Variants in PCSK6 observed in about 807,000 individuals in gnomAD.
The protein encoded by PCSK6 is paired basic amino acid cleaving enzyme 4.
PCSK6 carries 85 observed loss-of-function variants against 123.3 expected under a neutral mutation model. The ratio of observed to expected loss-of-function variants is 0.69; its 90% CI spans 0.58 to 0.83. The LOEUF is 0.83. PCSK6 is among the 40% of genes least tolerant of loss of function. The pLI is 0.00. For synonymous variants in PCSK6, 508 were observed against 516.0 expected, an observed-to-expected ratio of 0.98 and a Z score of 0.21; for missense variants, 1,191 against 1,282.3, an observed-to-expected ratio of 0.93 and a Z score of 1.09.
At chr15:101,390,072 A>G (rs941280454) in intron 8 of PCSK6, among the ~76,000 whole-genome samples, 1 of 142,864 alleles carries the variant, frequency 7.0e-6, no homozygotes, top group African/African-American at 2.6e-5. Context: ...TTTAGCCAGT[A>G]GGTCATAAGC....
At chr15:101,316,921 T>C (rs2040005428) in intron 19 of PCSK6, among the ~76,000 whole-genome samples, 2 of 147,558 alleles carry the variant, frequency 1.4e-5, no homozygotes, top group South Asian at 2.1e-4. Flanking sequence ...TTTTTTTTTT[T>C]TTTTTTTTGA....
Position 101,332,045 on chromosome 15 carries a change from A to G in PCSK6, c.1859-14T>C. 6.3e-7 allele frequency: 1 copy of G among 1,580,990 alleles called. No individual in the cohort carries two copies. The highest frequency in any genetic ancestry group is 1.1e-5 in the South Asian group (1 of 87,642). ...CTTTCAACTTCCCTGGAAGGCACCAAACCCACAGAGTTACCTGCCTGTGCC... is the reference window on the plus strand; with the variant it reads ...CTTTCAACTTCCCTGGAAGGCACCAGACCCACAGAGTTACCTGCCTGTGCC... On this transcript the variant is annotated splice_polypyrimidine_tract_variant and intron_variant, in intron 13 of 21. Coordinates refer to ENST00000611716, the MANE Select transcript of PCSK6 (RefSeq NM_002570.5).
intron 11 of PCSK6, among the ~76,000 whole-genome samples, chr15:101,377,078 G>C (rs976324550): frequency 6.6e-6 from 1 of 152,264 alleles, no homozygotes; most frequent in African/African-American, 2.4e-5. Flanking sequence ...CTGTGTGCTT[G>C]AGCACAGTAG....
chr15:101,364,268 C>T (rs548558206), intron 13 of PCSK6, among the ~76,000 whole-genome samples: 2 of 152,062 alleles, frequency 1.3e-5, no homozygotes, highest in African/African-American at 4.8e-5. Context: ...GGAAACTCGC[C>T]CATAGAAAAG....
At position 101,447,588 on chromosome 15, in the gene PCSK6, A is replaced by T. The variant is rs573803357; in HGVS notation, c.298-3928T>A. 2.6e-5 allele frequency among the ~76,000 whole-genome samples: 4 copies of T among 152,232 alleles called. No homozygotes were observed. In the South Asian group the frequency reaches 8.3e-4, roughly 31 times the overall value. On this transcript the variant is annotated intron_variant, in intron 1 of 21. Coordinates refer to ENST00000611716, the MANE Select transcript of PCSK6 (RefSeq NM_002570.5). ...ACTGCCACACTTTTAGGACCTCTTC[A>T]GGGTCAAATGGACAGCGGTGGACTC...
chr15:101,338,741 AT>A (rs2040537671), intron 13 of PCSK6, among the ~76,000 whole-genome samples: 1 of 152,174 alleles, frequency 6.6e-6, no homozygotes, highest in Non-Finnish European at 1.5e-5. Flanking sequence ...GCCCAATCAA[AT>A]TTTTTGCCAT....
intron 6 of PCSK6, among the ~76,000 whole-genome samples, chr15:101,403,864 C>T (rs894784397): frequency 5.9e-5 from 9 of 152,154 alleles, no homozygotes; most frequent in African/African-American, 4.8e-5. Flanking sequence ...GGATTACAGG[C>T]GCCCGCCACC....
At chr15:101,481,969 T>C (rs758895487) in intron 1 of PCSK6, among the ~76,000 whole-genome samples, 4 of 152,000 alleles carry the variant, frequency 2.6e-5, no homozygotes, top group Non-Finnish European at 5.9e-5. Flanking sequence ...CATGCTGGTG[T>C]GCAGCCCTTT....
intron 13 of PCSK6, among the ~76,000 whole-genome samples, chr15:101,353,440 T>C (rs1052971850): frequency 6.6e-6 from 1 of 152,104 alleles, no homozygotes; most frequent in South Asian, 2.1e-4. Flanking sequence ...TAACAGTCCA[T>C]GGACCATGGA....
intron 1 of PCSK6, among the ~76,000 whole-genome samples, chr15:101,482,685 C>T (rs1276891268): frequency 1.3e-5 from 2 of 152,144 alleles, no homozygotes. Context: ...CCCAGCCCAT[C>T]GACAGCTCCG....
chr15:101,306,123 C>T (rs2039717301), intron 21 of PCSK6, among the ~76,000 whole-genome samples: 1 of 124,972 alleles, frequency 8.0e-6, no homozygotes, highest in Admixed American at 8.6e-5. Context: ...AGGGGGCGGA[C>T]AGGGAGGAGT....
intron 8 of PCSK6, among the ~76,000 whole-genome samples, chr15:101,390,451 G>T (rs578108061): frequency 6.8e-6 from 1 of 147,116 alleles, no homozygotes; most frequent in South Asian, 2.2e-4. Context: ...GATTATCCTG[G>T]ATTATCTGAG....
At position 101,366,165 on chromosome 15, in the gene PCSK6, A is replaced by C. The variant is rs375131201; in HGVS notation, c.1858+31T>G. The C allele has an allele frequency of 9.8e-5, 156 of 1,593,360 alleles. No individual in the cohort carries two copies. The African/African-American group carries it at 1.9e-3, about 19-fold the overall frequency. ...GGTAAAAAGAGGCTTGAGATACAAA[A>C]GCTGTCATGAGATTCCCAAGAGCCA... On this transcript the variant is annotated intron_variant, in intron 13 of 21. Coordinates refer to ENST00000611716, the MANE Select transcript of PCSK6 (RefSeq NM_002570.5).
At chr15:101,357,563 T>C (rs917502308) in intron 13 of PCSK6, among the ~76,000 whole-genome samples, 5 of 152,212 alleles carry the variant, frequency 3.3e-5, no homozygotes, top group African/African-American at 1.2e-4. Flanking sequence ...TGCCTCCCTG[T>C]GTACACAATA....
chr15:101,431,549 G>A (rs371374225), intron 3 of PCSK6, 86 bp from the exon 4 acceptor site: 334 of 1,533,340 alleles, frequency 2.2e-4, no homozygotes, highest in Non-Finnish European at 2.8e-4. Flanking sequence ...ACAGGGAGGC[G>A]CTTAGGCTTG....
At chr15:101,341,588 G>C (rs1014224250) in intron 13 of PCSK6, among the ~76,000 whole-genome samples, 11 of 152,108 alleles carry the variant, frequency 7.2e-5, no homozygotes, top group Non-Finnish European at 1.3e-4. Flanking sequence ...TTAAAGTGCT[G>C]GAATAAATAC....
intron 13 of PCSK6, chr15:101,365,160 G>A: frequency 1.9e-6 from 1 of 525,640 alleles, no homozygotes; most frequent in Non-Finnish European, 3.5e-6. Flanking sequence ...ATGGATCAAA[G>A]TCCTACATGT....
intron 19 of PCSK6, chr15:101,313,825 G>A: frequency 4.0e-6 from 1 of 251,110 alleles, no homozygotes; most frequent in Non-Finnish European, 7.6e-6. Context: ...CTGAACACTT[G>A]GAAATCCAGT....
At chr15:101,353,020 G>A (rs185901796) in intron 13 of PCSK6, among the ~76,000 whole-genome samples, 7 of 152,204 alleles carry the variant, frequency 4.6e-5, no homozygotes, top group Admixed American at 1.3e-4. Flanking sequence ...CTGGGGATCC[G>A]GTGGGGAGCA....
Sources: allele counts gnomAD v4.1 joint callset (sites outside exome capture counted in the v4.1 genomes callset), GRCh38; gene constraint gnomAD v4.1.1; transcripts MANE v1.5; gene names NCBI Gene and HGNC (gene_info 2026-07-23, HGNC 2026-07-21).